RAB3C: variants seen among roughly 807,000 people sequenced by gnomAD.
RAB3C encodes ras-related protein Rab-3C.
RAB3C carries 17 observed loss-of-function variants against 26.4 expected under a neutral mutation model. The ratio of observed to expected loss-of-function variants is 0.64; its 90% CI spans 0.44 to 0.97. The LOEUF is 0.97. Among genes scored for constraint, RAB3C ranks in the 50% least tolerant of loss-of-function variants. The pLI, the probability that RAB3C is intolerant of heterozygous loss-of-function variation, is 0.00. For missense variants in RAB3C, 242 were observed against 281.9 expected (o/e 0.86, Z 1.01); for synonymous variants, 91 against 95.9 (o/e 0.95, Z 0.30).
intron 3 of RAB3C, among the ~76,000 whole-genome samples, chr5:58,774,900 G>C (rs113052009): frequency 6.6e-6 from 1 of 152,102 alleles, no homozygotes; most frequent in Non-Finnish European, 1.5e-5. Flanking sequence ...ACAGGTCAGG[G>C]GACCAGATCT....
intron 3 of RAB3C, among the ~76,000 whole-genome samples, chr5:58,751,521 G>A (rs1005377922): frequency 2.0e-5 from 3 of 152,168 alleles, no homozygotes; most frequent in African/African-American, 7.2e-5. Flanking sequence ...CCATGAACAT[G>A]ATATGTGAAG....
At position 58,691,172 on chromosome 5, in the gene RAB3C, A is replaced by T. The variant is rs140848457; in HGVS notation, c.253-34830A>T. ...ATTTTTAGAATGAGGTCCACAGTGCACCTACATCAGAATTTCCCATAGGGC... is the reference window on the plus strand; with the variant it reads ...ATTTTTAGAATGAGGTCCACAGTGCTCCTACATCAGAATTTCCCATAGGGC... On this transcript the variant is annotated intron_variant, in intron 2 of 4. Transcript: ENST00000282878. Among the ~76,000 whole-genome samples, 879 of 152,214 alleles carry T rather than the reference A, an allele frequency of 5.8e-3. 3 individuals are homozygous for T. The highest frequency in any genetic ancestry group is 0.018 in the African/African-American group (751 of 41,546).
chr5:58,619,124 AC>A (rs1392884752), intron 2 of RAB3C, among the ~76,000 whole-genome samples: 6 of 152,078 alleles, frequency 3.9e-5, no homozygotes, highest in Non-Finnish European at 8.8e-5. Flanking sequence ...ACAGACAGGT[AC>A]CTTCTTATGT....
intron 3 of RAB3C, among the ~76,000 whole-genome samples, chr5:58,786,888 G>T (rs1441404111): frequency 6.6e-6 from 1 of 151,532 alleles, no homozygotes; most frequent in Non-Finnish European, 1.5e-5. Context: ...TACATGTGCC[G>T]CATCTGCCCA....
At chr5:58,727,019 G>T (rs1740904393) in intron 3 of RAB3C, among the ~76,000 whole-genome samples, 1 of 151,938 alleles carries the variant, frequency 6.6e-6, no homozygotes, top group African/African-American at 2.4e-5. Context: ...ACTGGTGGTG[G>T]CTAGGACTGA....
In RAB3C at chr5:58,797,354, ATATGTATATAT is replaced by A. The variant is rs1226326875; in HGVS notation, c.372-27683_372-27673del. Among the ~76,000 whole-genome samples the A allele has an allele frequency of 2.0e-3, 117 of 58,194 alleles. 2 individuals carry two copies. The highest frequency in any genetic ancestry group is 0.011 in the Middle Eastern group (1 of 92). The allele number at this position is 58,194 out of a possible 152,430, so 38.2% of individuals were successfully genotyped here. On this transcript the variant is annotated intron_variant, in intron 3 of 4. Transcript: ENST00000282878. Reference sequence around the variant, plus strand: ...CCCTGGAAGACAAAAAAAAAAAAAAATATGTATATATATAATATATATATATATATATATAT... The same window carrying A: ...CCCTGGAAGACAAAAAAAAAAAAAAAATAATATATATATATATATATATAT...
At chr5:58,790,406 G>A (rs1219721296) in intron 3 of RAB3C, among the ~76,000 whole-genome samples, 1 of 152,142 alleles carries the variant, frequency 6.6e-6, no homozygotes, top group African/African-American at 2.4e-5. Flanking sequence ...GCTCCCTCCT[G>A]AATGCCAAAG....
rs375835434 is a variant in RAB3C, at chr5:58,702,250, C to G, written c.253-23752C>G. 9.9e-5 allele frequency among the ~76,000 whole-genome samples: 15 copies of G among 152,174 alleles called. 1 individual carries two copies. The South Asian group carries it at 3.1e-3, about 32-fold the overall frequency. Reference sequence around the variant, plus strand: ...GCCTATTAATTTGTAAAATGCTGTCCGTGACCCATTTCACAGAGTTTCTGG... The same window carrying G: ...GCCTATTAATTTGTAAAATGCTGTCGGTGACCCATTTCACAGAGTTTCTGG... On this transcript the variant is annotated intron_variant, in intron 2 of 4. Transcript: ENST00000282878.
intron 3 of RAB3C, among the ~76,000 whole-genome samples, chr5:58,775,444 A>C (rs1479846391): frequency 6.6e-6 from 1 of 152,082 alleles, no homozygotes; most frequent in Non-Finnish European, 1.5e-5. Context: ...AGAGACTTGA[A>C]TTTCCCTTTC....
At chr5:58,596,975 C>A (rs1300614554) in intron 1 of RAB3C, among the ~76,000 whole-genome samples, 4 of 78,574 alleles carry the variant, frequency 5.1e-5, no homozygotes, top group Admixed American at 2.4e-4. Flanking sequence ...TACATATAAA[C>A]ATATAATAAT....
intron 3 of RAB3C, among the ~76,000 whole-genome samples, chr5:58,741,125 T>G (rs962272800): frequency 1.6e-4 from 25 of 152,196 alleles, no homozygotes; most frequent in African/African-American, 6.0e-4. Flanking sequence ...GCCGGAAAGA[T>G]AGATAGGCAG....
intron 3 of RAB3C, among the ~76,000 whole-genome samples, chr5:58,818,805 G>A (rs1484894645): frequency 6.6e-6 from 1 of 152,220 alleles, no homozygotes; most frequent in African/African-American, 2.4e-5. Flanking sequence ...GATTGGAAAT[G>A]TGTCCCTCAA....
At chr5:58,745,241 C>T (rs1335756240) in intron 3 of RAB3C, among the ~76,000 whole-genome samples, 1 of 151,370 alleles carries the variant, frequency 6.6e-6, no homozygotes, top group Admixed American at 6.6e-5. Flanking sequence ...ACTAAAAATA[C>T]AAAAAAATTA....
intron 3 of RAB3C, among the ~76,000 whole-genome samples, chr5:58,759,873 A>G (rs1357975345): frequency 6.6e-6 from 1 of 152,232 alleles, no homozygotes; most frequent in African/African-American, 2.4e-5. Context: ...CTATAAGAGC[A>G]TAAACTACCT....
intron 1 of RAB3C, among the ~76,000 whole-genome samples, chr5:58,595,712 C>A (rs1012149793): frequency 1.3e-4 from 20 of 152,016 alleles, no homozygotes; most frequent in African/African-American, 4.4e-4. Context: ...TTCTAGTGTA[C>A]CCTAAAAGTA....
chr5:58,702,026 C>T (rs1748853140), intron 2 of RAB3C, among the ~76,000 whole-genome samples: 1 of 152,180 alleles, frequency 6.6e-6, no homozygotes, highest in Non-Finnish European at 1.5e-5. Context: ...CAAATCTGGT[C>T]CTGCCATTTT....
intron 3 of RAB3C, among the ~76,000 whole-genome samples, chr5:58,817,272 A>G (rs2548239): frequency 0.43 from 64,871 of 151,798 alleles, 15,604 homozygotes; most frequent in Middle Eastern, 0.65. Context: ...AGAATTTGTA[A>G]TAAGAATGTA....
chr5:58,702,975 A>G (rs909630607), intron 2 of RAB3C, among the ~76,000 whole-genome samples: 9 of 152,180 alleles, frequency 5.9e-5, no homozygotes, highest in Non-Finnish European at 1.2e-4. Flanking sequence ...GCAATTTTTG[A>G]CGGAAAAATA....
intron 2 of RAB3C, among the ~76,000 whole-genome samples, chr5:58,703,417 G>C (rs1285636558): frequency 6.6e-6 from 1 of 152,052 alleles, no homozygotes; most frequent in African/African-American, 2.4e-5. Flanking sequence ...CCCGACCTCA[G>C]CTGATCCGCC....
Sources: allele counts gnomAD v4.1 joint callset (sites outside exome capture counted in the v4.1 genomes callset), GRCh38; gene constraint gnomAD v4.1.1; transcripts MANE v1.5; gene names NCBI Gene and HGNC (gene_info 2026-07-23, HGNC 2026-07-21).